Variants in RAB28 observed in about 807,000 individuals in gnomAD.
RAB28 encodes RAB28, member RAS oncogene family.
RAB28 carries 24 observed loss-of-function variants against 31.7 expected under a neutral mutation model. The ratio of observed to expected loss-of-function variants is 0.76; its 90% CI spans 0.55 to 1.06. RAB28 has a LOEUF of 1.06. RAB28 is among the 50% of genes least tolerant of loss of function. RAB28 has a pLI of 0.00. For synonymous variants in RAB28, 100 were observed against 90.4 expected, an observed-to-expected ratio of 1.11 and a Z score of -0.60; for missense variants, 254 against 258.5, an observed-to-expected ratio of 0.98 and a Z score of 0.12.
Position 13,454,805 on chromosome 4 carries a change from G to A in RAB28, c.391+5894C>T, listed in dbSNP as rs1023826144. Among the ~76,000 whole-genome samples, 5 of 152,150 alleles carry A rather than the reference G, an allele frequency of 3.3e-5. No homozygotes were observed. In the East Asian group the frequency reaches 5.8e-4, roughly 18 times the overall value. ...AAGTGCACAGCTGCTAGTCCAGCCT[G>A]GGGGAGTACCTGCCAAGGACTGTTT... On this transcript the variant is annotated intron_variant, in intron 4 of 6. Transcript: ENST00000330852.
chr4:13,401,805 T>G (rs1450267193), intron 4 of RAB28, among the ~76,000 whole-genome samples: 1 of 152,216 alleles, frequency 6.6e-6, no homozygotes, highest in Non-Finnish European at 1.5e-5. Context: ...CTTTACTTTT[T>G]TCTTTTTCTG....
chr4:13,434,752 C>T lies in RAB28; in HGVS notation c.391+25947G>A, dbSNP rs566087137. The stretch of plus-strand genomic sequence containing the variant: ...AAACAACACAGGCCAGGTGCAGTGG[C>T]TCACTCCTGTAATCCCAGCACTTTG... On this transcript the variant is annotated intron_variant, in intron 4 of 6. Transcript: ENST00000330852. Among the ~76,000 whole-genome samples the T allele has an allele frequency of 1.9e-3, 284 of 152,234 alleles. 2 individuals carry two copies. The highest frequency in any genetic ancestry group is 6.2e-3 in the African/African-American group (256 of 41,542).
chr4:13,389,782 A>C (rs868521628), intron 4 of RAB28, among the ~76,000 whole-genome samples: 2 of 152,196 alleles, frequency 1.3e-5, no homozygotes, highest in South Asian at 4.1e-4. Context: ...ATCTACCTTC[A>C]CATAAACAGA....
chr4:13,441,585 G>A (rs1446056764), intron 4 of RAB28, among the ~76,000 whole-genome samples: 1 of 152,180 alleles, frequency 6.6e-6, no homozygotes, highest in African/African-American at 2.4e-5. Flanking sequence ...CCTCAAGTCA[G>A]GTGGTTACTT....
intron 4 of RAB28, among the ~76,000 whole-genome samples, chr4:13,451,276 T>A (rs984335582): frequency 3.9e-5 from 6 of 151,984 alleles, no homozygotes; most frequent in South Asian, 2.1e-4. Context: ...ATTTCCCTGA[T>A]GATTAGTGAT....
intron 4 of RAB28, among the ~76,000 whole-genome samples, chr4:13,438,323 T>G (rs969770718): frequency 6.6e-6 from 1 of 152,094 alleles, no homozygotes; most frequent in Non-Finnish European, 1.5e-5. Context: ...AAGCGTACAG[T>G]TTTTAGCATA....
At position 13,424,234 on chromosome 4, in the gene RAB28, T is replaced by C. The variant is rs114429236; in HGVS notation, c.391+36465A>G. Reference sequence around the variant, plus strand: ...ACTGTGTGGCTTAAACCAACAGAAATTTATTTTCTCATACTTCAAATCAAG... The same window carrying C: ...ACTGTGTGGCTTAAACCAACAGAAACTTATTTTCTCATACTTCAAATCAAG... On this transcript the variant is annotated intron_variant, in intron 4 of 6. Coordinates refer to ENST00000330852, the MANE Select transcript of RAB28 (RefSeq NM_001017979.3). Among the ~76,000 whole-genome samples, 506 of 152,304 alleles carry C rather than the reference T, an allele frequency of 3.3e-3. 2 individuals are homozygous for C. Among genetic ancestry groups the C allele is most frequent in the African/African-American group, 0.012 (480 of 41,554 alleles).
intron 3 of RAB28, among the ~76,000 whole-genome samples, chr4:13,471,317 G>A (rs1211588214): frequency 6.6e-6 from 1 of 152,090 alleles, no homozygotes; most frequent in Non-Finnish European, 1.5e-5. Flanking sequence ...TGAAAGCACT[G>A]GTTTTGAAAA....
chr4:13,436,137 C>CG (rs895080365), intron 4 of RAB28, among the ~76,000 whole-genome samples: 1 of 152,082 alleles, frequency 6.6e-6, no homozygotes. Context: ...TCAGAAAAGG[C>CG]ATTCAATAAA....
intron 4 of RAB28, among the ~76,000 whole-genome samples, chr4:13,449,357 T>C (rs376471331): frequency 6.6e-6 from 1 of 151,918 alleles, no homozygotes; most frequent in Non-Finnish European, 1.5e-5. Flanking sequence ...AAACTGGACA[T>C]ATAACCATTT....
chr4:13,395,711 C>CTACTGATAGATTTG (rs1729847800), intron 4 of RAB28, among the ~76,000 whole-genome samples: 1 of 152,020 alleles, frequency 6.6e-6, no homozygotes, highest in Admixed American at 6.6e-5. Flanking sequence ...TGTATCAGAG[C>CTACTGATAGATTTG]TACTGATAGA....
At chr4:13,434,961 G>A (rs564798451) in intron 4 of RAB28, among the ~76,000 whole-genome samples, 1 of 147,708 alleles carries the variant, frequency 6.8e-6, no homozygotes, top group Non-Finnish European at 1.5e-5. Context: ...GGAGGTTGCA[G>A]TGAGCCGAGA....
chr4:13,409,143 T>C (rs1057267445), intron 4 of RAB28, among the ~76,000 whole-genome samples: 3 of 152,164 alleles, frequency 2.0e-5, no homozygotes, highest in African/African-American at 4.8e-5. Context: ...TTAACCAGTA[T>C]GCCTACAAAC....
rs374991043 is a variant in RAB28 at position 13,430,142 on chromosome 4, C to A, written c.391+30557G>T. ...AATAGGATATCTGTATGCAAAAAAACAGAACCCCTGCTCACATCATATTAA... is the reference window on the plus strand; with the variant it reads ...AATAGGATATCTGTATGCAAAAAAAAAGAACCCCTGCTCACATCATATTAA... On this transcript the variant is annotated intron_variant, in intron 4 of 6. Coordinates refer to ENST00000330852, the MANE Select transcript of RAB28 (RefSeq NM_001017979.3). 2.0e-5 allele frequency among the ~76,000 whole-genome samples: 3 copies of A among 152,194 alleles called. No individual in the cohort carries two copies. The East Asian group carries it at 5.8e-4, about 29-fold the overall frequency.
rs183091116 is a variant in RAB28 at position 13,367,934 on chromosome 4, T to C, written c.*624A>G. ...AACGACAACGATACAGTAATAAAAA[T>C]ACAATATCAAATATTACTTTGTGAG... is the stretch of plus-strand genomic sequence containing the variant. On this transcript the variant is annotated 3_prime_UTR_variant, in exon 7 of 7. Transcript: ENST00000330852. 1.0e-6 allele frequency: 1 copy of C among 978,926 alleles called. No homozygotes were observed. The highest frequency in any genetic ancestry group is 6.2e-5 in the Admixed American group (1 of 16,254). 60.6% of individuals were successfully genotyped at this position (978,926 alleles called of 1,614,324 possible). A position where few individuals can be genotyped will look rare whatever the true frequency, so the allele number is the denominator to read the frequency against.
intron 4 of RAB28, among the ~76,000 whole-genome samples, chr4:13,396,246 T>C (rs759553337): frequency 1.3e-5 from 2 of 152,062 alleles, no homozygotes; most frequent in Non-Finnish European, 2.9e-5. Flanking sequence ...GGGAAACATC[T>C]TGAGTGTTGA....
chr4:13,450,009 T>TTA (rs951826098), intron 4 of RAB28, among the ~76,000 whole-genome samples: 8 of 151,868 alleles, frequency 5.3e-5, no homozygotes, highest in Admixed American at 2.6e-4. Context: ...TGCCATGTGG[T>TTA]TATAAAACAT....
At chr4:13,423,756 G>C (rs535426380) in intron 4 of RAB28, among the ~76,000 whole-genome samples, 1 of 152,054 alleles carries the variant, frequency 6.6e-6, no homozygotes, top group Non-Finnish European at 1.5e-5. Context: ...ATACAAGTAA[G>C]TGTTCACTGT....
At chr4:13,372,131 C>A (rs1414351720) in intron 6 of RAB28, among the ~76,000 whole-genome samples, 1 of 152,070 alleles carries the variant, frequency 6.6e-6, no homozygotes, top group Non-Finnish European at 1.5e-5. Context: ...CAACCACCAT[C>A]CCAGATATTA....
Sources: allele counts gnomAD v4.1 joint callset (sites outside exome capture counted in the v4.1 genomes callset), GRCh38; gene constraint gnomAD v4.1.1; transcripts MANE v1.5; gene names NCBI Gene and HGNC (gene_info 2026-07-23, HGNC 2026-07-21).